Variants in SLC2A14 observed in about 807,000 individuals in gnomAD.
SLC2A14 encodes solute carrier family 2, facilitated glucose transporter member 14.
Under a neutral mutation model 43.0 loss-of-function variants are expected in SLC2A14, and 13 were observed. That is an observed-to-expected ratio of 0.30 (90% CI 0.20 to 0.48). SLC2A14 has a LOEUF of 0.48. SLC2A14 is among the 20% of genes least tolerant of loss of function. The pLI, the probability that SLC2A14 is intolerant of heterozygous loss-of-function variation, is 0.99. For synonymous variants in SLC2A14, 190 were observed against 233.8 expected, an observed-to-expected ratio of 0.81 and a Z score of 1.71; for missense variants, 428 against 620.4, an observed-to-expected ratio of 0.69 and a Z score of 3.29.
At chr12:7,875,575 T>C (rs140368522), upstream of SLC2A14, among the ~76,000 whole-genome samples, 699 of 152,076 alleles carry the variant, frequency 4.6e-3, 7 homozygotes, top group African/African-American at 0.016. Context: ...TATTAACATG[T>C]TGAAATCCTA....
intron 2 of SLC2A14, among the ~76,000 whole-genome samples, chr12:7,867,980 G>A (rs1248879982): frequency 3.3e-5 from 5 of 152,152 alleles, no homozygotes; most frequent in Non-Finnish European, 7.3e-5. Context: ...AACAAAGTGT[G>A]AGAGAACTGA....
At chr12:7,823,978 A>G (rs923475509) in intron 7 of SLC2A14, among the ~76,000 whole-genome samples, 6 of 152,176 alleles carry the variant, frequency 3.9e-5, no homozygotes, top group Admixed American at 1.3e-4. Context: ...ATAATTGGCC[A>G]GGCGCAGTTG....
intron 2 of SLC2A14, among the ~76,000 whole-genome samples, chr12:7,850,375 T>G (rs1469892075): frequency 6.6e-6 from 1 of 152,080 alleles, no homozygotes; most frequent in Admixed American, 6.6e-5. Flanking sequence ...AGCCCTCAGG[T>G]GAGGAATGAA....
rs2120794330 is a variant in SLC2A14, at chr12:7,832,781, C to G, written c.52G>C (p.Ala18Pro). ...CCAAACTGGAAAGAGCCGATTGTAGCAACTGTGATGGCAAAGATCAGAGCT... is the reference window on the plus strand; with the variant it reads ...CCAAACTGGAAAGAGCCGATTGTAGGAACTGTGATGGCAAAGATCAGAGCT... The part of the protein sequence containing the change: ...TPALIFAITV[A>P]TIGSFQFGYN... Residue 18 changes from alanine to proline, a missense_variant, in exon 3 of 11, where the codon GCT (alanine) becomes CCT (proline). Physicochemically the swap from Ala to Pro is conservative, Grantham distance 27. Coordinates refer to ENST00000431042, the MANE Select transcript of SLC2A14 (RefSeq NM_001286234.2). The G allele has an allele frequency of 6.2e-7, 1 of 1,614,174 alleles. No homozygotes were observed. Among genetic ancestry groups the G allele is most frequent in the East Asian group, 2.2e-5 (1 of 44,880 alleles).
intron 7 of SLC2A14, among the ~76,000 whole-genome samples, chr12:7,822,995 G>C (rs978204799): frequency 2.6e-5 from 4 of 152,144 alleles, no homozygotes; most frequent in African/African-American, 9.7e-5. Flanking sequence ...AGGCCCTTTT[G>C]AAGTGTTTTA....
chr12:7,882,406 C>T (rs544920478), intron 1 of SLC2A14, among the ~76,000 whole-genome samples: 1 of 151,690 alleles, frequency 6.6e-6, no homozygotes, highest in Non-Finnish European at 1.5e-5. Context: ...AGCTGTAACA[C>T]TAACCGCGAG....
intron 1 of SLC2A14, among the ~76,000 whole-genome samples, chr12:7,879,763 G>A (rs1945533066): frequency 6.6e-6 from 1 of 152,084 alleles, no homozygotes; most frequent in Admixed American, 6.6e-5. Flanking sequence ...CCAACACTTT[G>A]GGAGGGCAAA....
intron 10 of SLC2A14, among the ~76,000 whole-genome samples, chr12:7,815,062 T>C (rs1278022809): frequency 2.6e-5 from 4 of 151,476 alleles, no homozygotes; most frequent in African/African-American, 9.7e-5. Context: ...CCTCCCAAAG[T>C]GCTGGGATTA....
chr12:7,883,422 A>G (rs1945626481), intron 1 of SLC2A14, among the ~76,000 whole-genome samples: 2 of 150,438 alleles, frequency 1.3e-5, no homozygotes, highest in African/African-American at 2.4e-5. Flanking sequence ...GCCCGCCACC[A>G]TGCATGGCTG....
Position 7,832,751 on chromosome 12 carries a change from T to G in SLC2A14, c.82A>C (p.Asn28His), listed in dbSNP as rs1865141681. Residue 28 changes from asparagine to histidine, a missense_variant, in exon 3 of 11, where the codon AAC becomes CAC. By Grantham distance (68) the Asn-to-His change is moderately conservative. Around this residue, in one of 4 missense-constraint regions of SLC2A14, gnomAD observed 122 missense variants for 128.8 expected, o/e 0.95. Transcript: ENST00000431042. The stretch of plus-strand genomic sequence containing the variant: ...TCAGGAGCATTGATGACCCCAGTGT[T>G]GTAGCCAAACTGGAAAGAGCCGATT... ...ATIGSFQFGY[N>H]TGVINAPETI... 1 of 1,614,048 alleles carries G rather than the reference T, an allele frequency of 6.2e-7. No homozygotes were observed. The highest frequency in any genetic ancestry group is 8.5e-7 in the Non-Finnish European group (1 of 1,180,032).
Position 7,827,477 on chromosome 12 carries a change from C to T in SLC2A14, c.864+18G>A, listed in dbSNP as rs776002620. The T allele has an allele frequency of 1.9e-6, 3 of 1,610,348 alleles. No individual in the cohort carries two copies. Among genetic ancestry groups the T allele is most frequent in the Non-Finnish European group, 2.5e-6 (3 of 1,178,724 alleles). ...GAAATATTGTAAGACACGTTTGACC[C>T]TAAAGTATCACACTCACAGCATTGA... On this transcript the variant is annotated intron_variant, in intron 7 of 10. Transcript: ENST00000431042.
intron 2 of SLC2A14, among the ~76,000 whole-genome samples, chr12:7,848,717 G>A (rs757348046): frequency 1.1e-4 from 17 of 151,866 alleles, no homozygotes; most frequent in Non-Finnish European, 1.5e-4. Context: ...CACCATGCCC[G>A]GCTAATTTTT....
At chr12:7,815,776 A>G (rs1863386493) in intron 10 of SLC2A14, among the ~76,000 whole-genome samples, 1 of 151,754 alleles carries the variant, frequency 6.6e-6, no homozygotes, top group Admixed American at 6.6e-5. Context: ...GGGATTTTCC[A>G]TGTTGGTCAG....
chr12:7,870,455 G>A (rs1945163081), intron 1 of SLC2A14, among the ~76,000 whole-genome samples: 1 of 152,122 alleles, frequency 6.6e-6, no homozygotes, highest in Non-Finnish European at 1.5e-5. Flanking sequence ...GTTACCAAAT[G>A]TGAGTCTGTT....
chr12:7,867,280 C>CAAAAAAAA (rs755003596), intron 2 of SLC2A14, among the ~76,000 whole-genome samples: 6 of 71,198 alleles, frequency 8.4e-5, no homozygotes, highest in East Asian at 3.0e-4. Context: ...GACTCCGTCT[C>CAAAAAAAA]AAAAAAAAAA....
rs142919151 is a variant in SLC2A14 at position 7,857,392 on chromosome 12, C to T, written c.18+12471G>A. Among the ~76,000 whole-genome samples, 133 of 152,154 alleles carry T rather than the reference C, an allele frequency of 8.7e-4. 1 individual carries two copies. The highest frequency in any genetic ancestry group is 3.1e-3 in the African/African-American group (129 of 41,528). On this transcript the variant is annotated intron_variant, in intron 2 of 10. Transcript: ENST00000431042. ...TGACTTGAGGTCAGAAGTTTGAGAC[C>T]GGCCTGACCAAAATGGTGAAACCCC...
intron 2 of SLC2A14, among the ~76,000 whole-genome samples, chr12:7,853,310 G>A (rs755005684): frequency 1.3e-4 from 19 of 151,552 alleles, no homozygotes; most frequent in African/African-American, 3.1e-4. Context: ...ATGGTGGTGC[G>A]CGCCTGTAAT....
At chr12:7,866,299 T>C (rs1005606181) in intron 2 of SLC2A14, among the ~76,000 whole-genome samples, 6 of 151,544 alleles carry the variant, frequency 4.0e-5, no homozygotes, top group Admixed American at 1.3e-4. Context: ...GTGGTCTAGA[T>C]AGACCACTAA....
At chr12:7,880,690 C>CA (rs753621437) in intron 1 of SLC2A14, among the ~76,000 whole-genome samples, 6,540 of 64,910 alleles carry the variant, frequency 0.1, 232 homozygotes, top group Non-Finnish European at 0.13. Context: ...AGCTGGGTCT[C>CA]AAAAAAAAAA....
Sources: gnomAD v4.1 joint callset for allele counts (sites outside exome capture counted in the v4.1 genomes callset) on GRCh38, gnomAD v4.1.1 for gene constraint, gnomAD v4.1.1 regional missense constraint, MANE v1.5 for transcripts, NCBI Gene and HGNC (gene_info 2026-07-23, HGNC 2026-07-21) for gene names.